Variants in PRKCE observed in about 807,000 individuals in gnomAD.
PRKCE encodes protein kinase C epsilon type.
PRKCE carries 16 observed loss-of-function variants against 85.4 expected under a neutral mutation model. The ratio of observed to expected loss-of-function variants is 0.19; its 90% CI spans 0.13 to 0.28. The LOEUF is 0.28. Among genes scored for constraint, PRKCE ranks in the 10% least tolerant of loss-of-function variants. PRKCE has a pLI of 1.00. For synonymous variants in PRKCE, 388 were observed against 371.5 expected (o/e 1.04, Z -0.51); for missense variants, 573 against 975.2 (o/e 0.59, Z 5.49).
intron 2 of PRKCE, among the ~76,000 whole-genome samples, chr2:45,878,567 C>G (rs1694647045): frequency 1.3e-5 from 2 of 151,968 alleles, no homozygotes; most frequent in South Asian, 4.1e-4. Flanking sequence ...TATTCAATTT[C>G]CCTAGATCTT....
At chr2:45,809,701 T>A (rs1323953026) in intron 1 of PRKCE, among the ~76,000 whole-genome samples, 1 of 149,842 alleles carries the variant, frequency 6.7e-6, no homozygotes, top group African/African-American at 2.5e-5. Context: ...CTGGCCAACA[T>A]GGTGAAACCC....
chr2:45,792,183 CAA>C (rs1424196264), intron 1 of PRKCE, among the ~76,000 whole-genome samples: 2 of 152,092 alleles, frequency 1.3e-5, no homozygotes, highest in Non-Finnish European at 2.9e-5. Context: ...GGAAGTGGTG[CAA>C]AGAGGCCAAA....
chr2:45,830,516 C>T (rs544813118), intron 1 of PRKCE, among the ~76,000 whole-genome samples: 1 of 152,156 alleles, frequency 6.6e-6, no homozygotes, highest in Non-Finnish European at 1.5e-5. Flanking sequence ...ACATAAGGAT[C>T]ATTCCTACTG....
At chr2:46,157,086 T>C (rs1340229436) in intron 13 of PRKCE, among the ~76,000 whole-genome samples, 1 of 152,252 alleles carries the variant, frequency 6.6e-6, no homozygotes, top group Non-Finnish European at 1.5e-5. Context: ...TGGTTCTGCC[T>C]CTACTTACAC....
In PRKCE at chr2:46,154,485, G is replaced by A. The variant is rs545590493; in HGVS notation, c.1920+3256G>A. On this transcript the variant is annotated intron_variant, in intron 13 of 14. Coordinates refer to ENST00000306156, the MANE Select transcript of PRKCE (RefSeq NM_005400.3). ...CCCCCCAACCCCCCCGCCCGCCGCCGCATTTCTCCTCGGCCCCCTGTGGCT... is the reference window on the plus strand; with the variant it reads ...CCCCCCAACCCCCCCGCCCGCCGCCACATTTCTCCTCGGCCCCCTGTGGCT... Among the ~76,000 whole-genome samples, 78 of 29,300 alleles carry A rather than the reference G, an allele frequency of 2.7e-3. No individual in the cohort carries two copies. The Middle Eastern group carries it at 0.054, about 20-fold the overall frequency. The allele number at this position is 29,300 out of a possible 152,430, so 19.2% of individuals were successfully genotyped here.
At chr2:45,689,088 G>C (rs547247431) in intron 1 of PRKCE, among the ~76,000 whole-genome samples, 3 of 152,336 alleles carry the variant, frequency 2.0e-5, no homozygotes, top group East Asian at 1.9e-4. Context: ...CCTCATAAAA[G>C]AAGAGCAGGG....
At chr2:45,655,632 C>A (rs1675341313) in intron 1 of PRKCE, among the ~76,000 whole-genome samples, 1 of 151,878 alleles carries the variant, frequency 6.6e-6, no homozygotes, top group Admixed American at 6.6e-5. Flanking sequence ...TCAAGATCAG[C>A]CTAGGCAACG....
chr2:45,883,607 A>G (rs1165827936), intron 2 of PRKCE, among the ~76,000 whole-genome samples: 2 of 152,136 alleles, frequency 1.3e-5, no homozygotes, highest in Non-Finnish European at 2.9e-5. Flanking sequence ...AATGTATACT[A>G]TAGTTCTTAC....
At chr2:45,673,477 T>C (rs1265755607) in intron 1 of PRKCE, among the ~76,000 whole-genome samples, 2 of 152,232 alleles carry the variant, frequency 1.3e-5, no homozygotes, top group African/African-American at 4.8e-5. Context: ...TTAGGGACAG[T>C]ACTTACATCT....
At position 45,651,994 on chromosome 2, in the gene PRKCE, A is replaced by C. The variant is rs1342595564; in HGVS notation, c.-107A>C. On this transcript the variant is annotated 5_prime_UTR_variant, in exon 1 of 15. Transcript: ENST00000306156. ...TGTAGGGAGTGTGCGGGGTGGGGCG[A>C]AAGGGGACCCAAGAGTCCCTGTGGC... 1 of 891,522 alleles carries C rather than the reference A, an allele frequency of 1.1e-6. No individual in the cohort carries two copies. The highest frequency in any genetic ancestry group is 1.7e-6 in the Non-Finnish European group (1 of 573,050). 55.2% of individuals were successfully genotyped at this position (891,522 alleles called of 1,614,324 possible).
rs1480958939 is a variant in PRKCE at position 45,679,208 on chromosome 2, C to T, written c.348+26760C>T. 2.6e-5 allele frequency among the ~76,000 whole-genome samples: 4 copies of T among 152,090 alleles called. No homozygotes were observed. The East Asian group carries it at 7.7e-4, about 29-fold the overall frequency. ...CAGTGTGGCTGCAATAGAATCTGCC[C>T]CAGGACTTCCATGCATAGTACTTTG... is the stretch of plus-strand genomic sequence containing the variant. On this transcript the variant is annotated intron_variant, in intron 1 of 14. Transcript: ENST00000306156.
At chr2:45,977,239 A>T (rs1336776820) in intron 3 of PRKCE, among the ~76,000 whole-genome samples, 1 of 152,170 alleles carries the variant, frequency 6.6e-6, no homozygotes, top group Non-Finnish European at 1.5e-5. Context: ...TTACAGACAC[A>T]CCTCAGGGTG....
intron 11 of PRKCE, among the ~76,000 whole-genome samples, chr2:46,095,343 C>T (rs1670581401): frequency 6.6e-6 from 1 of 152,168 alleles, no homozygotes; most frequent in Non-Finnish European, 1.5e-5. Flanking sequence ...TTCCAGAATA[C>T]ACATGTTTAT....
At chr2:46,150,342 G>A (rs1488150505) in intron 12 of PRKCE, among the ~76,000 whole-genome samples, 1 of 152,228 alleles carries the variant, frequency 6.6e-6, no homozygotes, top group African/African-American at 2.4e-5. Flanking sequence ...GGGTTCATTA[G>A]TGAAGGTGGC....
intron 14 of PRKCE, among the ~76,000 whole-genome samples, chr2:46,179,228 G>A (rs1428835961): frequency 1.3e-5 from 2 of 152,182 alleles, no homozygotes; most frequent in Non-Finnish European, 2.9e-5. Context: ...ATCAGATGAA[G>A]ACAGAAGCAG....
At chr2:45,703,545 A>AG (rs1678857128) in intron 1 of PRKCE, among the ~76,000 whole-genome samples, 1 of 151,932 alleles carries the variant, frequency 6.6e-6, no homozygotes, top group Non-Finnish European at 1.5e-5. Flanking sequence ...CTCTAAAAAA[A>AG]AAAGAATAAA....
chr2:45,832,453 C>T (rs1690509030), intron 1 of PRKCE, among the ~76,000 whole-genome samples: 1 of 152,038 alleles, frequency 6.6e-6, no homozygotes. Context: ...GCTGGGACTA[C>T]AGGTGCACTC....
intron 6 of PRKCE, 31 bp downstream of exon 6, chr2:45,984,711 C>G: frequency 6.3e-7 from 1 of 1,579,952 alleles, no homozygotes; most frequent in Non-Finnish European, 8.6e-7. Flanking sequence ...CCCTCAGCCC[C>G]TGCATGTCCC....
intron 10 of PRKCE, among the ~76,000 whole-genome samples, chr2:46,027,160 C>A (rs1380372894): frequency 6.6e-6 from 1 of 152,024 alleles, no homozygotes; most frequent in Non-Finnish European, 1.5e-5. Context: ...CAGAGCAAGA[C>A]CCTGTCTCAA....
Sources: allele counts gnomAD v4.1 joint callset (sites outside exome capture counted in the v4.1 genomes callset), GRCh38; gene constraint gnomAD v4.1.1; transcripts MANE v1.5; gene names NCBI Gene and HGNC (gene_info 2026-07-23, HGNC 2026-07-21).